The following RHBDD1 variants were observed in gnomAD, a reference collection of about 807,000 sequenced individuals.
RHBDD1 encodes rhomboid-related protein 4.
RHBDD1 carries 38 observed loss-of-function variants against 36.3 expected under a neutral mutation model. The observed-to-expected ratio is 1.05, with a 90% CI of 0.81 to 1.37. The LOEUF (loss-of-function observed/expected upper bound fraction) is 1.37, where lower values mean the gene tolerates loss of function less well. Among genes scored for constraint, RHBDD1 ranks in the 40% most tolerant of loss-of-function variants. The pLI is 0.00. For synonymous variants in RHBDD1, 151 were observed against 136.5 expected (o/e 1.11, Z -0.74); for missense variants, 393 against 377.6 (o/e 1.04, Z -0.34).
the RHBDD1 span, among the ~76,000 whole-genome samples, chr2:226,816,438 TGGA>T: frequency 6.6e-5 from 10 of 151,562 alleles, 1 homozygote; most frequent in East Asian, 1.9e-3. Flanking sequence ...GTTTATTTTC[TGGA>T]GAAGGTTACT....
intron 8 of RHBDD1, among the ~76,000 whole-genome samples, chr2:226,934,812 T>G (rs1295392081): frequency 6.6e-6 from 1 of 152,058 alleles, no homozygotes; most frequent in Non-Finnish European, 1.5e-5. Context: ...TGCATTTTTT[T>G]TCTCCCCCAA....
chr2:226,919,817 G>T (rs956236063), intron 8 of RHBDD1, among the ~76,000 whole-genome samples: 1 of 151,896 alleles, frequency 6.6e-6, no homozygotes, highest in African/African-American at 2.4e-5. Context: ...GTCTTCTGTG[G>T]TCCCATGTAA....
intron 3 of RHBDD1, among the ~76,000 whole-genome samples, chr2:226,856,544 G>A (rs1039865157): frequency 6.6e-6 from 1 of 152,116 alleles, no homozygotes; most frequent in Admixed American, 6.5e-5. Flanking sequence ...AGTAACAAGT[G>A]GAGCAAACAG....
At chr2:226,893,166 C>T (rs570646637) in intron 5 of RHBDD1, among the ~76,000 whole-genome samples, 2 of 152,270 alleles carry the variant, frequency 1.3e-5, no homozygotes, top group South Asian at 4.1e-4. Context: ...TACCATAGGG[C>T]CATGGAATTT....
At chr2:226,988,510 G>T in intron 8 of RHBDD1, 1 of 1,520,828 alleles carries the variant, frequency 6.6e-7, no homozygotes, top group Non-Finnish European at 8.8e-7. Context: ...GCCTTGCGAG[G>T]TGGATAGCAG....
intron 3 of RHBDD1, among the ~76,000 whole-genome samples, chr2:226,840,666 C>T (rs558436399): frequency 1.3e-5 from 2 of 152,314 alleles, no homozygotes; most frequent in South Asian, 4.1e-4. Flanking sequence ...CCCAGATCTT[C>T]TGGCATTAGC....
Position 226,867,338 on chromosome 2 carries a change from G to A in RHBDD1, c.566+20G>A. ...ACCAGGGTAAGTGTTTTCTTTTGGG[G>A]AATACAGTTGAAGGACCTGATGTTC... is the stretch of plus-strand genomic sequence containing the variant. On this transcript the variant is annotated intron_variant, in intron 5 of 8. Coordinates refer to ENST00000392062, the MANE Select transcript of RHBDD1 (RefSeq NM_001167608.3). 6.2e-7 allele frequency: 1 copy of A among 1,600,772 alleles called. No homozygotes were observed. The highest frequency in any genetic ancestry group is 1.3e-5 in the African/African-American group (1 of 74,202).
At chr2:226,948,534 A>T (rs1342231258) in intron 8 of RHBDD1, among the ~76,000 whole-genome samples, 5 of 142,546 alleles carry the variant, frequency 3.5e-5, no homozygotes, top group African/African-American at 1.3e-4. Context: ...AACCTGCACA[A>T]TGTGCACATG....
chr2:226,917,275 A>G (rs1166351305), intron 8 of RHBDD1, among the ~76,000 whole-genome samples: 7 of 152,078 alleles, frequency 4.6e-5, no homozygotes, highest in Non-Finnish European at 1.0e-4. Flanking sequence ...TCTTAAAAAA[A>G]CTTCTTGTAA....
chr2:226,950,929 C>T (rs760503073), intron 8 of RHBDD1, among the ~76,000 whole-genome samples: 30 of 152,108 alleles, frequency 2.0e-4, no homozygotes, highest in Non-Finnish European at 2.5e-4. Context: ...TCAGTTGTCT[C>T]TTCACTTTGT....
rs553109848 is a variant in RHBDD1 at position 226,986,803 on chromosome 2, C to T, written c.857-8628C>T. ...CTCAAGGATCTAGAACTGGAAATAC[C>T]ATTTGACTCAGCAATCCATTACTGG... On this transcript the variant is annotated intron_variant, in intron 8 of 8. Coordinates refer to ENST00000392062, the MANE Select transcript of RHBDD1 (RefSeq NM_001167608.3). 6.6e-5 allele frequency among the ~76,000 whole-genome samples: 10 copies of T among 152,272 alleles called. No individual in the cohort carries two copies. The East Asian group carries it at 1.9e-3, about 29-fold the overall frequency.
At chr2:226,901,153 G>T (rs748303881) in intron 5 of RHBDD1, among the ~76,000 whole-genome samples, 44 of 152,184 alleles carry the variant, frequency 2.9e-4, no homozygotes, top group Non-Finnish European at 1.6e-4. Flanking sequence ...TTTCATTTAG[G>T]AAAATGCCAT....
chr2:226,855,746 G>A (rs183420576), intron 3 of RHBDD1, among the ~76,000 whole-genome samples: 1 of 152,324 alleles, frequency 6.6e-6, no homozygotes, highest in Non-Finnish European at 1.5e-5. Flanking sequence ...AGATATTTCT[G>A]TGAATAGATA....
Position 226,914,280 on chromosome 2 carries a change from A to G in RHBDD1, c.785A>G (p.Asp262Gly). The change falls in exon 8 of 9, where the codon GAC becomes GGC. Residue 262 changes from aspartate (D) to glycine (G), a missense_variant. By Grantham distance (94) the Asp-to-Gly change is moderately conservative. Coordinates refer to ENST00000392062, the MANE Select transcript of RHBDD1 (RefSeq NM_001167608.3). Reference protein sequence around the residue: ...DHYEEAPRNYDTYTAGLSEEE... With the variant: ...DHYEEAPRNYGTYTAGLSEEE... Reference sequence around the variant, plus strand: ...TATGAAGAAGCACCCAGGAACTATGACACGTACACAGCAGGACTGAGTGAA... The same window carrying G: ...TATGAAGAAGCACCCAGGAACTATGGCACGTACACAGCAGGACTGAGTGAA... The G allele has an allele frequency of 6.2e-7, 1 of 1,613,858 alleles. No homozygotes were observed. Among genetic ancestry groups the G allele is most frequent in the East Asian group, 2.2e-5 (1 of 44,856 alleles).
At chr2:226,885,331 A>G (rs1946117024) in intron 5 of RHBDD1, among the ~76,000 whole-genome samples, 3 of 152,204 alleles carry the variant, frequency 2.0e-5, no homozygotes, top group African/African-American at 7.2e-5. Context: ...CTTTCTAAGA[A>G]TCTAAAGTAT....
chr2:226,947,404 G>T (rs1192705092), intron 8 of RHBDD1, among the ~76,000 whole-genome samples: 2 of 151,924 alleles, frequency 1.3e-5, no homozygotes, highest in East Asian at 3.9e-4. Context: ...TCAAAGATCA[G>T]ATAGTTGTAG....
intron 5 of RHBDD1, among the ~76,000 whole-genome samples, chr2:226,901,707 A>T (rs543459304): frequency 6.6e-6 from 1 of 152,330 alleles, no homozygotes; most frequent in African/African-American, 2.4e-5. Flanking sequence ...GGCATCCAGC[A>T]GAACGGAGAC....
chr2:226,969,394 CTTTTTTTTT>C (rs77924848), intron 8 of RHBDD1, among the ~76,000 whole-genome samples: 2 of 115,526 alleles, frequency 1.7e-5, no homozygotes, highest in African/African-American at 6.5e-5. Context: ...ACAGCTCAGC[CTTTTTTTTT>C]TTTTTTTTTT....
In RHBDD1 at chr2:226,907,107, A is replaced by T. The variant is rs1309297874; in HGVS notation, c.655+226A>T. 6 of 599,700 alleles carry T rather than the reference A, an allele frequency of 1.0e-5. No homozygotes were observed. The South Asian group carries it at 1.2e-4, about 12-fold the overall frequency. The allele number at this position is 599,700 out of a possible 1,614,324, so 37.1% of individuals were successfully genotyped here. Reference sequence around the variant, plus strand: ...CGAATCTGATACTTTCTTAGGGGACAAATATCAGTATATATTTATACCCTC... The same window carrying T: ...CGAATCTGATACTTTCTTAGGGGACTAATATCAGTATATATTTATACCCTC... On this transcript the variant is annotated intron_variant, in intron 6 of 8. Transcript: ENST00000392062.
Sources: allele counts gnomAD v4.1 joint callset (sites outside exome capture counted in the v4.1 genomes callset), GRCh38; gene constraint gnomAD v4.1.1; transcripts MANE v1.5; gene names NCBI Gene and HGNC (gene_info 2026-07-23, HGNC 2026-07-21).